Variants in ST8SIA6 observed in about 807,000 individuals in gnomAD.
ST8SIA6 encodes the protein alpha-2,8-sialyltransferase 8F.
A neutral mutation model predicts 33.6 loss-of-function variants in ST8SIA6; 39 were observed. That is an observed-to-expected ratio of 1.16 (90% confidence interval 0.90 to 1.52). ST8SIA6 has a LOEUF of 1.52. Among genes scored for constraint, ST8SIA6 ranks in the 40% most tolerant of loss-of-function variants. ST8SIA6 has a pLI of 0.00. For missense variants in ST8SIA6, 441 were observed against 443.8 expected (o/e 0.99, Z 0.06); for synonymous variants, 172 against 167.2 (o/e 1.03, Z -0.22).
intron 2 of ST8SIA6, among the ~76,000 whole-genome samples, chr10:17,421,290 T>A (rs1851774584): frequency 6.6e-6 from 1 of 152,224 alleles, no homozygotes; most frequent in Non-Finnish European, 1.5e-5. Context: ...TGTCTTCTCC[T>A]GCTGCTTAGT....
chr10:17,446,231 CA>C lies in ST8SIA6; in HGVS notation c.200+7327del, dbSNP rs201660752. On this transcript the variant is annotated intron_variant, in intron 2 of 7. Transcript: ENST00000377602. ...TGAGGACATCTAGGTCGAAAACAAACAAAAAAAATCACAAAACTTATGAAAA... is the reference window on the plus strand; with the variant it reads ...TGAGGACATCTAGGTCGAAAACAAACAAAAAAATCACAAAACTTATGAAAA... Among the ~76,000 whole-genome samples the C allele has an allele frequency of 2.6e-5, 4 of 151,724 alleles. No homozygotes were observed. In the South Asian group the frequency reaches 6.3e-4, roughly 24 times the overall value.
intron 4 of ST8SIA6, among the ~76,000 whole-genome samples, chr10:17,351,636 G>A (rs951924596): frequency 6.6e-6 from 1 of 151,870 alleles, no homozygotes; most frequent in Non-Finnish European, 1.5e-5. Flanking sequence ...TAGCCAAGAT[G>A]TAGAATCAGC....
intron 2 of ST8SIA6, among the ~76,000 whole-genome samples, chr10:17,431,727 C>G (rs1852107703): frequency 7.6e-6 from 1 of 132,358 alleles, no homozygotes; most frequent in Non-Finnish European, 1.5e-5. Context: ...GCCTCATGGT[C>G]TTCGTTTGGA....
chr10:17,363,888 A>G (rs1172584399), intron 3 of ST8SIA6, among the ~76,000 whole-genome samples: 1 of 152,122 alleles, frequency 6.6e-6, no homozygotes, highest in Non-Finnish European at 1.5e-5. Flanking sequence ...TTATCCCCAT[A>G]GTTTGAGCTT....
chr10:17,448,503 G>A (rs890810473), intron 2 of ST8SIA6, among the ~76,000 whole-genome samples: 2 of 152,112 alleles, frequency 1.3e-5, no homozygotes, highest in South Asian at 2.1e-4. Context: ...AAGCTTGTGC[G>A]GGCCGTTTCA....
intron 5 of ST8SIA6, among the ~76,000 whole-genome samples, chr10:17,328,667 A>G (rs1034858907): frequency 3.3e-5 from 5 of 152,184 alleles, no homozygotes; most frequent in African/African-American, 1.2e-4. Flanking sequence ...GATCTTGTGT[A>G]GTGCAATGTG....
At chr10:17,346,062 G>A (rs1204089359) in intron 4 of ST8SIA6, among the ~76,000 whole-genome samples, 2 of 152,198 alleles carry the variant, frequency 1.3e-5, no homozygotes, top group Non-Finnish European at 1.5e-5. Flanking sequence ...CTCTTGGAAC[G>A]TTCATTCTCT....
intron 2 of ST8SIA6, among the ~76,000 whole-genome samples, chr10:17,440,707 G>A (rs528335859): frequency 7.9e-5 from 12 of 151,952 alleles, no homozygotes; most frequent in South Asian, 4.2e-4. Context: ...CTGTGATCCC[G>A]CTAAAGAACC....
At chr10:17,365,320 G>C (rs1288225110) in intron 3 of ST8SIA6, among the ~76,000 whole-genome samples, 1 of 152,106 alleles carries the variant, frequency 6.6e-6, no homozygotes, top group African/African-American at 2.4e-5. Context: ...GATATAAATA[G>C]GGCTTTTCAA....
At chr10:17,358,423 C>G (rs1849265751) in intron 4 of ST8SIA6, among the ~76,000 whole-genome samples, 1 of 152,160 alleles carries the variant, frequency 6.6e-6, no homozygotes. Context: ...AGCAAAATCT[C>G]TTTAGTAATT....
chr10:17,322,213 GAAAGA>G (rs1243833912), intron 7 of ST8SIA6, among the ~76,000 whole-genome samples: 1 of 133,190 alleles, frequency 7.5e-6, no homozygotes, highest in Non-Finnish European at 1.6e-5. Flanking sequence ...GAAAGAAAGA[GAAAGA>G]AAAGAAAGAA....
At chr10:17,342,473 G>A (rs1355864853) in intron 4 of ST8SIA6, among the ~76,000 whole-genome samples, 1 of 152,188 alleles carries the variant, frequency 6.6e-6, no homozygotes, top group Non-Finnish European at 1.5e-5. Flanking sequence ...TGTGTTTGAG[G>A]ATAATTCTTT....
chr10:17,401,036 GTC>G (rs1851019188), intron 2 of ST8SIA6, among the ~76,000 whole-genome samples: 1 of 152,234 alleles, frequency 6.6e-6, no homozygotes, highest in Admixed American at 6.5e-5. Flanking sequence ...AAACCCCATC[GTC>G]TCAGCCCAAA....
intron 3 of ST8SIA6, among the ~76,000 whole-genome samples, chr10:17,385,457 C>T (rs945058452): frequency 5.3e-5 from 8 of 151,374 alleles, no homozygotes; most frequent in Non-Finnish European, 8.8e-5. Context: ...TGGGTGCAGG[C>T]GGAGTGAGTC....
At position 17,316,855 on chromosome 10, in the gene ST8SIA6, G is replaced by A. The variant is rs1249099737; in HGVS notation, c.*4023C>T. 1.3e-5 allele frequency among the ~76,000 whole-genome samples: 2 copies of A among 151,842 alleles called. No homozygotes were observed. The highest frequency in any genetic ancestry group is 4.8e-5 in the African/African-American group (2 of 41,308). On this transcript the variant is annotated 3_prime_UTR_variant, in exon 8 of 8. Coordinates refer to ENST00000377602, the MANE Select transcript of ST8SIA6 (RefSeq NM_001004470.3). ...TTCCTTGGAATGTCTCTCTATTAAT[G>A]TCATTAATTTTATGCATTACTAAAA...
At chr10:17,428,410 T>C (rs532448084) in intron 2 of ST8SIA6, among the ~76,000 whole-genome samples, 3 of 152,226 alleles carry the variant, frequency 2.0e-5, no homozygotes, top group Non-Finnish European at 4.4e-5. Flanking sequence ...TGACCCTCCA[T>C]AAATGCTGGA....
At chr10:17,432,644 G>A (rs1852137046) in intron 2 of ST8SIA6, among the ~76,000 whole-genome samples, 1 of 152,172 alleles carries the variant, frequency 6.6e-6, no homozygotes, top group Non-Finnish European at 1.5e-5. Flanking sequence ...TTTAGATCCT[G>A]CTTAATGGCT....
At chr10:17,388,473 T>A (rs183151551) in intron 3 of ST8SIA6, among the ~76,000 whole-genome samples, 31 of 152,156 alleles carry the variant, frequency 2.0e-4, no homozygotes, top group African/African-American at 6.8e-4. Flanking sequence ...GGCAGCTGTA[T>A]AAACACTATT....
chr10:17,439,797 C>T (rs1184853756), intron 2 of ST8SIA6, among the ~76,000 whole-genome samples: 1 of 152,182 alleles, frequency 6.6e-6, no homozygotes, highest in East Asian at 1.9e-4. Flanking sequence ...AGAGGAATCA[C>T]TACAAGGCAT....
Sources: gnomAD v4.1 joint callset for allele counts (sites outside exome capture counted in the v4.1 genomes callset) on GRCh38, gnomAD v4.1.1 for gene constraint, MANE v1.5 for transcripts, NCBI Gene and HGNC (gene_info 2026-07-23, HGNC 2026-07-21) for gene names.